LINGO2: variants seen among roughly 807,000 people sequenced by gnomAD.
LINGO2 encodes the protein leucine-rich repeat and immunoglobulin-like domain-containing nogo receptor-interacting protein 2.
In LINGO2, 14 loss-of-function variants were observed where a neutral mutation model predicts 30.6. The observed-to-expected ratio is 0.46, with a 90% CI of 0.30 to 0.72. The LOEUF (loss-of-function observed/expected upper bound fraction) is 0.72. LINGO2 is among the 30% of genes least tolerant of loss of function. The pLI is 0.07. For missense variants in LINGO2, 729 were observed against 751.7 expected (o/e 0.97, Z 0.35); for synonymous variants, 317 against 288.5 (o/e 1.10, Z -1.00).
intron 1 of LINGO2, among the ~76,000 whole-genome samples, chr9:28,519,436 T>G (rs1259871963): frequency 6.6e-6 from 1 of 152,180 alleles, no homozygotes; most frequent in East Asian, 1.9e-4. Context: ...ATTACTTAGT[T>G]AAGACTTCCC....
At chr9:29,200,870 C>T in the LINGO2 span, among the ~76,000 whole-genome samples, 4 of 152,138 alleles carry the variant, frequency 2.6e-5, no homozygotes, top group African/African-American at 9.6e-5. Context: ...TTGAGGAGTA[C>T]TGATCAGATA....
intron 3 of LINGO2, among the ~76,000 whole-genome samples, chr9:28,354,997 C>T (rs1587527998): frequency 6.6e-6 from 1 of 152,260 alleles, no homozygotes. Flanking sequence ...TGATTTGACA[C>T]ATTTTAAAAG....
chr9:28,842,055 GGACATATGAAACTGAACTAA>G, the LINGO2 span, among the ~76,000 whole-genome samples: 1 of 151,692 alleles, frequency 6.6e-6, no homozygotes. Flanking sequence ...CTCCCTATGT[GGACATATGAAACTGAACTAA>G]GACAAATGAA....
intron 1 of LINGO2, among the ~76,000 whole-genome samples, chr9:28,496,689 G>T (rs566296479): frequency 6.6e-6 from 1 of 152,122 alleles, no homozygotes; most frequent in Non-Finnish European, 1.5e-5. Flanking sequence ...GTGTGAATTT[G>T]ATCCTGTCAT....
chr9:27,945,358 G>A (rs888286152), downstream of LINGO2, among the ~76,000 whole-genome samples: 5 of 152,056 alleles, frequency 3.3e-5, no homozygotes, highest in African/African-American at 1.2e-4. Flanking sequence ...GCAACTTCTG[G>A]ACTCCTGTAA....
At chr9:29,157,336 C>T in the LINGO2 span, among the ~76,000 whole-genome samples, 8 of 152,282 alleles carry the variant, frequency 5.3e-5, no homozygotes, top group African/African-American at 1.9e-4. Flanking sequence ...TCTGTATAGT[C>T]AACCTCTCTA....
At chr9:28,042,356 G>T (rs1474266461) in intron 4 of LINGO2, among the ~76,000 whole-genome samples, 1 of 152,062 alleles carries the variant, frequency 6.6e-6, no homozygotes, top group Non-Finnish European at 1.5e-5. Flanking sequence ...CATATTAATT[G>T]TCAACTTGTA....
At chr9:28,229,476 G>A (rs1297280015) in intron 4 of LINGO2, among the ~76,000 whole-genome samples, 1 of 151,626 alleles carries the variant, frequency 6.6e-6, no homozygotes, top group Non-Finnish European at 1.5e-5. Context: ...TGAAGAACAA[G>A]AGGAGGAGGA....
intron 1 of LINGO2, among the ~76,000 whole-genome samples, chr9:28,663,120 T>C (rs1464444360): frequency 1.3e-5 from 2 of 151,650 alleles, no homozygotes; most frequent in East Asian, 3.8e-4. Context: ...GCTTCTTTTC[T>C]GCCGACAAGT....
chr9:29,195,352 T>TGTGTGTGTGG, the LINGO2 span, among the ~76,000 whole-genome samples: 2 of 151,944 alleles, frequency 1.3e-5, no homozygotes, highest in Non-Finnish European at 2.9e-5. Context: ...ATATTGTGTG[T>TGTGTGTGTGG]GTGTGTGTGT....
chr9:28,883,628 G>GTGTGTGTATATATATATA, the LINGO2 span, among the ~76,000 whole-genome samples: 7 of 64,174 alleles, frequency 1.1e-4, no homozygotes, highest in South Asian at 6.4e-4. Flanking sequence ...ATGTGTGTGT[G>GTGTGTGTATATATATATA]TATATATATA....
chr9:28,855,965 C>A, the LINGO2 span, among the ~76,000 whole-genome samples: 1 of 152,038 alleles, frequency 6.6e-6, no homozygotes. Context: ...AAAACCTTCT[C>A]TTTTGGACCT....
intron 1 of LINGO2, among the ~76,000 whole-genome samples, chr9:28,616,403 C>A (rs190030528): frequency 2.1e-4 from 32 of 152,266 alleles, no homozygotes. Flanking sequence ...AGCTGACCCA[C>A]ATCAGCTGCT....
chr9:28,608,184 T>C (rs1825771968), intron 1 of LINGO2, among the ~76,000 whole-genome samples: 1 of 151,874 alleles, frequency 6.6e-6, no homozygotes, highest in Admixed American at 6.6e-5. Flanking sequence ...ATCTTTCTTA[T>C]ATTCTCATTC....
chr9:28,014,953 G>A (rs933464662), intron 4 of LINGO2, among the ~76,000 whole-genome samples: 3 of 152,056 alleles, frequency 2.0e-5, no homozygotes, highest in African/African-American at 7.2e-5. Context: ...TACCTCTAGT[G>A]CTTCAAAAAC....
chr9:28,887,135 T>C, the LINGO2 span, among the ~76,000 whole-genome samples: 2 of 152,108 alleles, frequency 1.3e-5, no homozygotes, highest in African/African-American at 2.4e-5. Context: ...CAAAGAGCTA[T>C]ACAAACACGC....
At chr9:28,986,853 T>A in the LINGO2 span, among the ~76,000 whole-genome samples, 1 of 152,038 alleles carries the variant, frequency 6.6e-6, no homozygotes, top group Non-Finnish European at 1.5e-5. Context: ...ACAGAATGGT[T>A]AAATAGTTCC....
the LINGO2 span, among the ~76,000 whole-genome samples, chr9:29,158,734 G>C: frequency 1.3e-5 from 2 of 152,054 alleles, no homozygotes; most frequent in Non-Finnish European, 2.9e-5. Context: ...GTCTGTGTGT[G>C]CAAGTGTGTG....
At chr9:28,171,196 G>GT (rs1263473813) in intron 4 of LINGO2, among the ~76,000 whole-genome samples, 1 of 152,100 alleles carries the variant, frequency 6.6e-6, no homozygotes, top group Non-Finnish European at 1.5e-5. Flanking sequence ...AATGAAAACC[G>GT]ACTGCAACAT....
Sources: gnomAD v4.1 joint callset for allele counts (sites outside exome capture counted in the v4.1 genomes callset) on GRCh38, gnomAD v4.1.1 for gene constraint, MANE v1.5 for transcripts, NCBI Gene and HGNC (gene_info 2026-07-23, HGNC 2026-07-21) for gene names.